POC1A: variants seen among roughly 807,000 people sequenced by gnomAD.
POC1A encodes POC1 centriolar protein A.
A neutral mutation model predicts 47.8 loss-of-function variants in POC1A; 34 were observed. The observed-to-expected ratio is 0.71, with a 90% CI of 0.54 to 0.95. The LOEUF (loss-of-function observed/expected upper bound fraction) is 0.95. Ranked by LOEUF, POC1A falls within the 40% of genes least tolerant of loss-of-function variation. POC1A has a pLI of 0.00. For synonymous variants in POC1A, 177 were observed against 207.6 expected (o/e 0.85, Z 1.27); for missense variants, 466 against 528.3 (o/e 0.88, Z 1.16).
chr3:52,076,304 C>T (rs920693604), intron 10 of POC1A, among the ~76,000 whole-genome samples: 5 of 152,240 alleles, frequency 3.3e-5, no homozygotes, highest in African/African-American at 1.2e-4. Context: ...AGGAACCCCC[C>T]ACCCTGGTGG....
At chr3:52,138,083 A>G (rs557601686) in intron 7 of POC1A, 86 bp downstream of exon 7, 13 of 1,437,554 alleles carry the variant, frequency 9.0e-6, no homozygotes, top group Middle Eastern at 1.8e-4. Context: ...TGTGGGTGAC[A>G]AGCCTGTTTC....
chr3:52,133,483 G>A (rs1472329351), intron 7 of POC1A, among the ~76,000 whole-genome samples: 1 of 152,088 alleles, frequency 6.6e-6, no homozygotes, highest in Non-Finnish European at 1.5e-5. Flanking sequence ...TGCCACTCAT[G>A]TGCCAGAGAG....
chr3:52,080,857 C>T (rs917512361), intron 10 of POC1A, among the ~76,000 whole-genome samples: 1 of 152,204 alleles, frequency 6.6e-6, no homozygotes, highest in East Asian at 1.9e-4. Flanking sequence ...CTCCCTAAAT[C>T]GGAGTGACAG....
At chr3:52,077,074 A>G (rs1325616821) in intron 10 of POC1A, among the ~76,000 whole-genome samples, 3 of 152,262 alleles carry the variant, frequency 2.0e-5, no homozygotes, top group Non-Finnish European at 4.4e-5. Flanking sequence ...CATGCTGGCC[A>G]TGACGCCTTT....
chr3:52,076,726 ATGCTTGTCAGAG>A (rs1387344267), intron 10 of POC1A, among the ~76,000 whole-genome samples: 3 of 152,260 alleles, frequency 2.0e-5, no homozygotes, highest in South Asian at 2.1e-4. Context: ...CACTCTGACC[ATGCTTGTCAGAG>A]TGCTTGTCAG....
At chr3:52,083,468 C>G (rs935043544) in intron 10 of POC1A, among the ~76,000 whole-genome samples, 9 of 152,262 alleles carry the variant, frequency 5.9e-5, no homozygotes, top group African/African-American at 2.2e-4. Context: ...TGGGCTTTTC[C>G]TTTGTCCCTC....
chr3:52,136,504 G>A (rs528345892), intron 7 of POC1A, among the ~76,000 whole-genome samples: 1 of 152,326 alleles, frequency 6.6e-6, no homozygotes, highest in African/African-American at 2.4e-5. Context: ...CCAGCCCCGT[G>A]AGCTAGAGAG....
At chr3:52,115,550 T>C (rs1053189699) in intron 9 of POC1A, among the ~76,000 whole-genome samples, 7 of 152,192 alleles carry the variant, frequency 4.6e-5, no homozygotes, top group African/African-American at 1.7e-4. Context: ...TCCCCCAAAA[T>C]TCCTGTGTTG....
chr3:52,081,179 C>T (rs1251138170), intron 10 of POC1A, among the ~76,000 whole-genome samples: 3 of 152,232 alleles, frequency 2.0e-5, no homozygotes, highest in Non-Finnish European at 4.4e-5. Context: ...GGTTAGCAAA[C>T]TACGGCCGGC....
chr3:52,090,341 A>G lies in POC1A; in HGVS notation c.1125+6228T>C, dbSNP rs1360356727. Among the ~76,000 whole-genome samples, 1 of 152,250 alleles carries G rather than the reference A, an allele frequency of 6.6e-6. No homozygotes were observed. Among genetic ancestry groups the G allele is most frequent in the African/African-American group, 2.4e-5 (1 of 41,460 alleles). ...GCAAGACGTGAAACTGGAGTCAAAA[A>G]TAACTTTGCTGTGGGCTTCTGAGGC... On this transcript the variant is annotated intron_variant, in intron 10 of 10. Coordinates refer to ENST00000296484, the MANE Select transcript of POC1A (RefSeq NM_015426.5). This position sits in a 1 kb window ranked among gnomAD's most constrained non-coding sequence, Gnocchi z 4.2.
intron 7 of POC1A, among the ~76,000 whole-genome samples, chr3:52,126,216 C>T (rs1703994489): frequency 6.6e-6 from 1 of 152,234 alleles, no homozygotes; most frequent in African/African-American, 2.4e-5. Flanking sequence ...TCTGGCAGCA[C>T]ATCTACAGCT....
chr3:52,093,067 C>A (rs1702697757), intron 10 of POC1A, among the ~76,000 whole-genome samples: 2 of 152,232 alleles, frequency 1.3e-5, no homozygotes, highest in South Asian at 4.1e-4. Flanking sequence ...CCCAGACCCT[C>A]AGCATGGGTC....
chr3:52,104,309 G>A (rs1464474900), intron 9 of POC1A, among the ~76,000 whole-genome samples: 1 of 152,172 alleles, frequency 6.6e-6, no homozygotes, highest in African/African-American at 2.4e-5. Flanking sequence ...ATGATTGTCT[G>A]GGGCTGGGGG....
chr3:52,138,630 C>T (rs1248608572), intron 6 of POC1A, among the ~76,000 whole-genome samples: 3 of 152,218 alleles, frequency 2.0e-5, no homozygotes, highest in African/African-American at 7.2e-5. Flanking sequence ...GAATAGAGTA[C>T]TCAAACATAC....
intron 5 of POC1A, among the ~76,000 whole-genome samples, chr3:52,146,507 C>A (rs1034986138): frequency 6.6e-6 from 1 of 152,244 alleles, no homozygotes; most frequent in African/African-American, 2.4e-5. Flanking sequence ...GGGGTCTCTA[C>A]TCAAATGTAG....
At chr3:52,089,660 G>A (rs1393515197) in intron 10 of POC1A, among the ~76,000 whole-genome samples, 6 of 152,174 alleles carry the variant, frequency 3.9e-5, no homozygotes, top group Non-Finnish European at 7.4e-5. Context: ...GGCTGCACAC[G>A]CCCTCCTGGG....
chr3:52,127,136 A>C (rs1453206503), intron 7 of POC1A, among the ~76,000 whole-genome samples: 1 of 152,150 alleles, frequency 6.6e-6, no homozygotes, highest in African/African-American at 2.4e-5. Flanking sequence ...ATTAACCAGG[A>C]TAATATAGAT....
At chr3:52,089,960 T>C (rs1166668547) in intron 10 of POC1A, among the ~76,000 whole-genome samples, 2 of 37,526 alleles carry the variant, frequency 5.3e-5, no homozygotes, top group African/African-American at 2.4e-4. Context: ...AGGACTACCA[T>C]GGGGGTGGGG....
chr3:52,146,197 C>T (rs746357549), intron 5 of POC1A, among the ~76,000 whole-genome samples: 2 of 152,266 alleles, frequency 1.3e-5, no homozygotes, highest in African/African-American at 2.4e-5. Flanking sequence ...GCACATCCCA[C>T]CGCCAATTTT....
Sources: gnomAD v4.1 joint callset for allele counts (sites outside exome capture counted in the v4.1 genomes callset) on GRCh38, gnomAD v4.1.1 for gene constraint, Gnocchi (gnomAD v3.1) non-coding constraint, MANE v1.5 for transcripts, NCBI Gene and HGNC (gene_info 2026-07-23, HGNC 2026-07-21) for gene names.